SLC35A3: variants seen among roughly 807,000 people sequenced by gnomAD.
SLC35A3 encodes the protein UDP-N-acetylglucosamine transporter.
Under a neutral mutation model 39.0 loss-of-function variants are expected in SLC35A3, and 26 were observed. The observed-to-expected ratio is 0.67, with a 90% CI of 0.49 to 0.92. SLC35A3 has a LOEUF of 0.92. Among genes scored for constraint, SLC35A3 ranks in the 40% least tolerant of loss-of-function variants. The probability of loss-of-function intolerance (pLI) is 0.00; values close to 1 mark genes in which losing one functional copy is unlikely to be tolerated. For missense variants in SLC35A3, 299 were observed against 371.6 expected (o/e 0.80, Z 1.61); for synonymous variants, 135 against 133.1 (o/e 1.01, Z -0.10).
rs1298874165 is a variant in SLC35A3 at position 100,034,456 on chromosome 1, T to C, written c.*11980T>C. 6.6e-6 allele frequency: 1 copy of C among 152,222 alleles called. No homozygotes were observed. The highest frequency in any genetic ancestry group is 2.4e-5 in the African/African-American group (1 of 41,462). The allele number at this position is 152,222 out of a possible 1,614,324, so 9.4% of individuals were successfully genotyped here. ...ATGATATTCATGTTGGAGTGTTGTA[T>C]ATTATTTGCCTCTGCTTCATATTGT... On this transcript the variant is annotated 3_prime_UTR_variant, in exon 8 of 8. Transcript: ENST00000533028.
At position 100,023,559 on chromosome 1, in the gene SLC35A3, C is replaced by T. The variant is rs1660692671; in HGVS notation, c.*1083C>T. The T allele has an allele frequency of 6.6e-6, 1 of 152,146 alleles. No homozygotes were observed. The highest frequency in any genetic ancestry group is 6.5e-5 in the Admixed American group (1 of 15,276). The allele number at this position is 152,146 out of a possible 1,614,324, so 9.4% of individuals were successfully genotyped here. On this transcript the variant is annotated 3_prime_UTR_variant, in exon 8 of 8. Coordinates refer to ENST00000533028, the MANE Select transcript of SLC35A3 (RefSeq NM_012243.3). ...AAAATGACTTTTCTTGGAGACATTC[C>T]AGATTGCCATATTACTTTATTTTAA...
chr1:99,983,456 T>G (rs1457552122), intron 1 of SLC35A3, among the ~76,000 whole-genome samples: 2 of 151,250 alleles, frequency 1.3e-5, no homozygotes, highest in African/African-American at 4.9e-5. Context: ...GGAGAATCTC[T>G]TGAAACCGGG....
intron 3 of SLC35A3, among the ~76,000 whole-genome samples, chr1:100,006,335 T>G (rs943723655): frequency 6.6e-6 from 1 of 152,256 alleles, no homozygotes; most frequent in Non-Finnish European, 1.5e-5. Context: ...GTTTTAGTGC[T>G]GCTTGAGGTA....
Position 100,031,519 on chromosome 1 carries a change from G to A in SLC35A3, c.*9043G>A, listed in dbSNP as rs758485649. The stretch of plus-strand genomic sequence containing the variant: ...CTGTAAACGTGGGGGATTGGTTCCA[G>A]GACCCCCACCTCGTGTATACCAAAA... On this transcript the variant is annotated 3_prime_UTR_variant, in exon 8 of 8. Transcript: ENST00000533028. The A allele has an allele frequency of 6.6e-6, 1 of 152,062 alleles. No individual in the cohort carries two copies. The highest frequency in any genetic ancestry group is 1.5e-5 in the Non-Finnish European group (1 of 68,026). 9.4% of individuals were successfully genotyped at this position (152,062 alleles called of 1,614,324 possible). A position where few individuals can be genotyped will look rare whatever the true frequency, so the allele number is the denominator to read the frequency against.
rs1292350409 is a variant in SLC35A3 at position 99,999,314 on chromosome 1, C to T, written c.241C>T (p.Pro81Ser). Residue 81 changes from proline (P) to serine (S), a missense_variant, in exon 3 of 8, where the codon CCT becomes TCT. By Grantham distance (74) the Pro-to-Ser change is moderately conservative. Transcript: ENST00000533028. ...ACTACATGATGAAATTCTTAATAAA[C>T]CTATGGAAACACTTAAACTTGCTAT... Reference protein sequence around the residue: ...RVLHDEILNKPMETLKLAIPS... With the variant: ...RVLHDEILNKSMETLKLAIPS... The T allele has an allele frequency of 5.6e-6, 9 of 1,596,680 alleles. No individual in the cohort carries two copies. Among genetic ancestry groups the T allele is most frequent in the South Asian group, 1.1e-5 (1 of 88,578 alleles).
At chr1:100,003,829 A>G (rs966369189) in intron 3 of SLC35A3, among the ~76,000 whole-genome samples, 1 of 152,198 alleles carries the variant, frequency 6.6e-6, no homozygotes, top group African/African-American at 2.4e-5. Flanking sequence ...TATATTTAGA[A>G]TTGCTTTATA....
chr1:99,982,194 C>T (rs574094516), intron 1 of SLC35A3, among the ~76,000 whole-genome samples: 10 of 151,576 alleles, frequency 6.6e-5, no homozygotes, highest in African/African-American at 2.2e-4. Flanking sequence ...TTAGTAGAGA[C>T]GGGTTTTGCC....
rs34020224 is a variant in SLC35A3, at chr1:100,003,416, CAAAAAAA to C, written c.343-3601_343-3595del. 3.9e-3 allele frequency among the ~76,000 whole-genome samples: 223 copies of C among 57,190 alleles called. 4 individuals carry two copies. The highest frequency in any genetic ancestry group is 9.4e-3 in the Middle Eastern group (1 of 106). 37.5% of individuals were successfully genotyped at this position (57,190 alleles called of 152,430 possible). A position where few individuals can be genotyped will look rare whatever the true frequency, so the allele number is the denominator to read the frequency against. Reference sequence around the variant, plus strand: ...GGGCAACAAGATTGAAACTCCATCTCAAAAAAAAAAAAAAAAAAAAAAAGAGAAGAGG... The same window carrying C: ...GGGCAACAAGATTGAAACTCCATCTCAAAAAAAAAAAAAAAAGAGAAGAGG... On this transcript the variant is annotated intron_variant, in intron 3 of 7. Coordinates refer to ENST00000533028, the MANE Select transcript of SLC35A3 (RefSeq NM_012243.3).
chr1:100,011,682 TATTA>T (rs1659651711), intron 5 of SLC35A3, 149 bp downstream of exon 5: 1 of 225,048 alleles, frequency 4.4e-6, no homozygotes, highest in South Asian at 1.8e-4. Context: ...TAAAACATTT[TATTA>T]TTTATTTATT....
chr1:100,015,002 C>A (rs1041093551), intron 5 of SLC35A3, among the ~76,000 whole-genome samples: 1 of 151,504 alleles, frequency 6.6e-6, no homozygotes, highest in African/African-American at 2.4e-5. Context: ...ACTAAAAATA[C>A]AAAAAATTAG....
At chr1:99,970,328 G>C (rs1656725563) in intron 1 of SLC35A3, 166 bp downstream of exon 1, 4 of 561,130 alleles carry the variant, frequency 7.1e-6, no homozygotes, top group Middle Eastern at 4.8e-4. Flanking sequence ...TACAGTGCTA[G>C]CTAAGTAGGG....
At chr1:99,985,065 G>C (rs1396881627) in intron 1 of SLC35A3, among the ~76,000 whole-genome samples, 1 of 152,020 alleles carries the variant, frequency 6.6e-6, no homozygotes, top group Non-Finnish European at 1.5e-5. Context: ...TATTTCTTTT[G>C]CTGTGAAGAA....
intron 1 of SLC35A3, among the ~76,000 whole-genome samples, chr1:99,988,630 C>G (rs1475418759): frequency 6.8e-6 from 1 of 148,022 alleles, no homozygotes; most frequent in Non-Finnish European, 1.5e-5. Flanking sequence ...CTCCCCTCCC[C>G]TCCTCTTCCC....
At chr1:99,977,364 CA>C (rs61423393) in intron 1 of SLC35A3, among the ~76,000 whole-genome samples, 1,524 of 98,428 alleles carry the variant, frequency 0.015, 13 homozygotes, top group African/African-American at 0.027. Context: ...TTAAAAATAC[CA>C]AAAAAAAAAA....
intron 1 of SLC35A3, among the ~76,000 whole-genome samples, chr1:99,973,649 G>A (rs764044524): frequency 6.6e-6 from 1 of 152,186 alleles, no homozygotes; most frequent in Non-Finnish European, 1.5e-5. Context: ...ATAAGTTGCT[G>A]TACTTAGAGA....
rs143039226 is a variant in SLC35A3 at position 99,986,697 on chromosome 1, C to T, written c.-18-6840C>T. Among the ~76,000 whole-genome samples the T allele has an allele frequency of 2.7e-3, 408 of 152,178 alleles. 2 individuals are homozygous for T. The highest frequency in any genetic ancestry group is 5.0e-3 in the Non-Finnish European group (341 of 68,010). ...TTTGACTTCCCAAACTCAAGGGATA[C>T]TTCCTCCTCAGACCCCAATAGCTGG... On this transcript the variant is annotated intron_variant, in intron 1 of 7. Transcript: ENST00000533028.
intron 6 of SLC35A3, 158 bp downstream of exon 6, chr1:100,015,578 T>A: frequency 2.8e-6 from 2 of 708,592 alleles, no homozygotes; most frequent in Non-Finnish European, 4.0e-6. Context: ...GAAGTGATCT[T>A]AATGCTGTAA....
rs2101533663 is a variant in SLC35A3, at chr1:100,026,943, T to C, written c.*4467T>C. On this transcript the variant is annotated 3_prime_UTR_variant, in exon 8 of 8. Coordinates refer to ENST00000533028, the MANE Select transcript of SLC35A3 (RefSeq NM_012243.3). Reference sequence around the variant, plus strand: ...AGCTATTACCTATTTAATAGATTTATTGAAATAGATTATTTTCATAAAGAA... The same window carrying C: ...AGCTATTACCTATTTAATAGATTTACTGAAATAGATTATTTTCATAAAGAA... 1 of 370,782 alleles carries C rather than the reference T, an allele frequency of 2.7e-6. No homozygotes were observed. The highest frequency in any genetic ancestry group is 4.6e-5 in the Admixed American group (1 of 21,938). The allele number at this position is 370,782 out of a possible 1,614,324, so 23.0% of individuals were successfully genotyped here. A position where few individuals can be genotyped will look rare whatever the true frequency, so the allele number is the denominator to read the frequency against.
At chr1:100,002,374 C>A (rs1448769636) in intron 3 of SLC35A3, among the ~76,000 whole-genome samples, 1 of 152,040 alleles carries the variant, frequency 6.6e-6, no homozygotes, top group Non-Finnish European at 1.5e-5. Context: ...GTAGGTTTTT[C>A]AATTTGCTAG....
Sources: allele counts gnomAD v4.1 joint callset (sites outside exome capture counted in the v4.1 genomes callset), GRCh38; gene constraint gnomAD v4.1.1; transcripts MANE v1.5; gene names NCBI Gene and HGNC (gene_info 2026-07-23, HGNC 2026-07-21).